Variants in DSE observed in about 807,000 individuals in gnomAD.
DSE encodes dermatan-sulfate epimerase.
Under a neutral mutation model 84.4 loss-of-function variants are expected in DSE, and 36 were observed. That is an observed-to-expected ratio of 0.43 (90% CI 0.33 to 0.56). The LOEUF (loss-of-function observed/expected upper bound fraction) is 0.56, where lower values mean the gene tolerates loss of function less well. DSE is among the 20% of genes least tolerant of loss of function. The pLI is 0.06. For missense variants in DSE, 862 were observed against 1,169.6 expected, an observed-to-expected ratio of 0.74 and a Z score of 3.84; for synonymous variants, 410 against 430.1, an observed-to-expected ratio of 0.95 and a Z score of 0.58.
intron 2 of DSE, chr6:116,278,423 C>T (rs1773267964): frequency 6.4e-7 from 1 of 1,556,030 alleles, no homozygotes; most frequent in Admixed American, 1.7e-5. Flanking sequence ...AAAAACAAAG[C>T]ACAATAGAAG....
intron 2 of DSE, among the ~76,000 whole-genome samples, chr6:116,291,864 CAAG>C (rs1003994690): frequency 6.6e-6 from 1 of 151,934 alleles, no homozygotes; most frequent in Admixed American, 6.6e-5. Flanking sequence ...TGAAAGTAGA[CAAG>C]AAGTTAAGGA....
intron 2 of DSE, among the ~76,000 whole-genome samples, chr6:116,324,524 G>C (rs1436447268): frequency 6.6e-6 from 1 of 152,206 alleles, no homozygotes; most frequent in Non-Finnish European, 1.5e-5. Context: ...AAAGGACAGG[G>C]AAAGCACAAT....
At chr6:116,355,775 C>T (rs1385730686) in intron 2 of DSE, 1 of 152,246 alleles carries the variant, frequency 6.6e-6, no homozygotes, top group Non-Finnish European at 1.5e-5. Context: ...ATAACTACAG[C>T]TGCAGCTCCA....
At chr6:116,256,658 T>C (rs1281994645) in intron 1 of DSE, 1 of 152,212 alleles carries the variant, frequency 6.6e-6, no homozygotes, top group Non-Finnish European at 1.5e-5. Flanking sequence ...GTCCAGTTAC[T>C]ATCTCATAGA....
chr6:116,304,211 G>A (rs1165632852), intron 2 of DSE, among the ~76,000 whole-genome samples: 1 of 152,120 alleles, frequency 6.6e-6, no homozygotes, highest in Non-Finnish European at 1.5e-5. Context: ...GATACGAAGT[G>A]TCAAAGACTG....
intron 2 of DSE, chr6:116,288,548 C>T (rs1774077966): frequency 6.6e-6 from 1 of 152,060 alleles, no homozygotes; most frequent in Admixed American, 6.6e-5. Flanking sequence ...AGTAACCATA[C>T]TTGTCCACTG....
At chr6:116,360,066 T>C (rs765547450) in intron 2 of DSE, among the ~76,000 whole-genome samples, 5 of 152,192 alleles carry the variant, frequency 3.3e-5, no homozygotes, top group Admixed American at 6.5e-5. Context: ...TGCAGAGTCA[T>C]GGATGGAGTC....
chr6:116,291,441 A>T (rs1029523409), intron 2 of DSE, among the ~76,000 whole-genome samples: 2 of 151,916 alleles, frequency 1.3e-5, no homozygotes, highest in Non-Finnish European at 2.9e-5. Context: ...CTGAACAAAG[A>T]CTCAAATACA....
chr6:116,311,558 G>A (rs547470545), intron 2 of DSE, among the ~76,000 whole-genome samples: 2 of 152,268 alleles, frequency 1.3e-5, no homozygotes, highest in African/African-American at 4.8e-5. Flanking sequence ...AATAAATCAT[G>A]AAGCCTACAT....
upstream of DSE, chr6:116,365,936 G>T (rs982905808): frequency 2.0e-5 from 3 of 152,182 alleles, no homozygotes; most frequent in African/African-American, 7.2e-5. Flanking sequence ...CACCTTAATT[G>T]CTTCAGATCC....
At chr6:116,287,099 A>T (rs1773957265) in intron 2 of DSE, among the ~76,000 whole-genome samples, 1 of 152,084 alleles carries the variant, frequency 6.6e-6, no homozygotes, top group Non-Finnish European at 1.5e-5. Context: ...TCTTTGAAAG[A>T]CTCAAAAAAG....
At position 116,363,925 on chromosome 6, in the gene DSE, T is replaced by C. The variant is rs540737857; in HGVS notation, c.-53-35273T>C. Among the ~76,000 whole-genome samples the C allele has an allele frequency of 2.0e-5, 3 of 152,340 alleles. No individual in the cohort carries two copies. In the South Asian group the frequency reaches 6.2e-4, roughly 32 times the overall value. ...ACTTCCCAAAAGGAGAAGTTAGTTG[T>C]ACATTTTTGGCCAATGATTCAGCAA... On this transcript the variant is annotated intron_variant, in intron 2 of 3. Coordinates refer to the DSE transcript ENST00000430252.
At chr6:116,357,616 T>C (rs1361535185) in intron 2 of DSE, among the ~76,000 whole-genome samples, 1 of 152,350 alleles carries the variant, frequency 6.6e-6, no homozygotes, top group African/African-American at 2.4e-5. Flanking sequence ...AAATTGTTTT[T>C]CTTCTTTCTC....
chr6:116,356,569 G>C (rs962838363), intron 2 of DSE, among the ~76,000 whole-genome samples: 2 of 152,100 alleles, frequency 1.3e-5, no homozygotes, highest in East Asian at 3.9e-4. Flanking sequence ...GAAGGCATAG[G>C]TTCCATAGCT....
chr6:116,370,457 CT>C (rs796745530), upstream of DSE: 25 of 987,356 alleles, frequency 2.5e-5, no homozygotes, highest in African/African-American at 4.2e-4. Flanking sequence ...GAGGCAGTAA[CT>C]ATTCGGGAGG....
chr6:116,255,650 A>C (rs147449648), intron 1 of DSE: 1 of 152,214 alleles, frequency 6.6e-6, no homozygotes, highest in Non-Finnish European at 1.5e-5. Context: ...GTAAACACAT[A>C]AACAGCGTGC....
At chr6:116,260,616 G>A (rs1772372527) in intron 2 of DSE, among the ~76,000 whole-genome samples, 1 of 152,108 alleles carries the variant, frequency 6.6e-6, no homozygotes, top group African/African-American at 2.4e-5. Context: ...ATAGTTTTGG[G>A]TTTTACATTT....
intron 2 of DSE, among the ~76,000 whole-genome samples, chr6:116,302,928 GT>G (rs1775125358): frequency 6.6e-6 from 1 of 152,088 alleles, no homozygotes; most frequent in South Asian, 2.1e-4. Context: ...TTTTTGTCAG[GT>G]TTGTCAAAGA....
At chr6:116,356,179 T>G (rs966007710) in intron 2 of DSE, among the ~76,000 whole-genome samples, 2 of 152,204 alleles carry the variant, frequency 1.3e-5, no homozygotes, top group Non-Finnish European at 2.9e-5. Flanking sequence ...GGTAATGGGG[T>G]GGGCTCAGAC....
Sources: gnomAD v4.1 joint callset for allele counts (sites outside exome capture counted in the v4.1 genomes callset) on GRCh38, gnomAD v4.1.1 for gene constraint, MANE v1.5 for transcripts, NCBI Gene and HGNC (gene_info 2026-07-23, HGNC 2026-07-21) for gene names.